Variants in AFG2A observed in about 807,000 individuals in gnomAD.
AFG2A encodes the protein AAA ATPase AFG2A.
chr4:123,084,016 T>G, the AFG2A span, among the ~76,000 whole-genome samples: 2 of 152,166 alleles, frequency 1.3e-5, no homozygotes, highest in African/African-American at 4.8e-5. Context: ...TCAATTTGTT[T>G]ATTCTTGTGT....
chr4:123,181,474 A>G, the AFG2A span, among the ~76,000 whole-genome samples: 3 of 152,048 alleles, frequency 2.0e-5, no homozygotes, highest in Admixed American at 6.6e-5. Flanking sequence ...TTAGTTGGAC[A>G]TGGTCACATG....
chr4:123,277,176 T>C, the AFG2A span, among the ~76,000 whole-genome samples: 11 of 152,282 alleles, frequency 7.2e-5, no homozygotes, highest in Middle Eastern at 3.4e-3. Context: ...ATAATTCTCC[T>C]TGTAGACATC....
chr4:123,122,427 C>T, the AFG2A span, among the ~76,000 whole-genome samples: 6 of 152,142 alleles, frequency 3.9e-5, no homozygotes, highest in South Asian at 6.2e-4. Flanking sequence ...AACATAAAAC[C>T]TGTTTTATAA....
chr4:123,259,439 G>A, the AFG2A span, among the ~76,000 whole-genome samples: 1 of 152,186 alleles, frequency 6.6e-6, no homozygotes, highest in Non-Finnish European at 1.5e-5. Context: ...AGCAGCCTCT[G>A]AGGGGAGACT....
At chr4:123,205,152 A>G in the AFG2A span, among the ~76,000 whole-genome samples, 1 of 152,130 alleles carries the variant, frequency 6.6e-6, no homozygotes, top group Non-Finnish European at 1.5e-5. Context: ...ATTTTTTGCT[A>G]TTTTATTTTT....
the AFG2A span, among the ~76,000 whole-genome samples, chr4:122,969,823 T>C: frequency 3.3e-5 from 5 of 152,340 alleles, no homozygotes; most frequent in Non-Finnish European, 7.3e-5. Context: ...TTAGGTACTT[T>C]GGTTTTTTGA....
chr4:123,199,604 T>C, the AFG2A span, among the ~76,000 whole-genome samples: 1 of 151,546 alleles, frequency 6.6e-6, no homozygotes, highest in South Asian at 2.1e-4. Flanking sequence ...CCTGAGTAGC[T>C]GGGACTACAG....
chr4:123,240,224 G>C, the AFG2A span, among the ~76,000 whole-genome samples: 2 of 152,282 alleles, frequency 1.3e-5, no homozygotes, highest in African/African-American at 4.8e-5. Flanking sequence ...AGATCAACGT[G>C]ACAGAAGTTT....
At chr4:122,980,945 A>G in the AFG2A span, among the ~76,000 whole-genome samples, 1 of 151,920 alleles carries the variant, frequency 6.6e-6, no homozygotes, top group African/African-American at 2.4e-5. Flanking sequence ...ATTTTCTCCC[A>G]TTCCATAGGT....
chr4:123,047,091 C>T, the AFG2A span, among the ~76,000 whole-genome samples: 1 of 152,036 alleles, frequency 6.6e-6, no homozygotes, highest in African/African-American at 2.4e-5. Flanking sequence ...AGACTGCTTT[C>T]CTTTTTTTTG....
At chr4:123,079,285 T>A in the AFG2A span, among the ~76,000 whole-genome samples, 2 of 152,224 alleles carry the variant, frequency 1.3e-5, no homozygotes, top group Non-Finnish European at 2.9e-5. Context: ...ACTTAGCTAT[T>A]TTTTTACTGC....
the AFG2A span, among the ~76,000 whole-genome samples, chr4:123,282,803 C>A: frequency 2.0e-5 from 3 of 147,304 alleles, no homozygotes; most frequent in South Asian, 2.2e-4. Context: ...GGGAAAGAAG[C>A]AGGGGGGAGA....
chr4:123,033,111 T>G, the AFG2A span, among the ~76,000 whole-genome samples: 1 of 152,232 alleles, frequency 6.6e-6, no homozygotes, highest in South Asian at 2.1e-4. Context: ...ATTTAAAAAT[T>G]CCAAATTCAT....
At chr4:123,115,568 G>A in the AFG2A span, among the ~76,000 whole-genome samples, 1 of 152,096 alleles carries the variant, frequency 6.6e-6, no homozygotes, top group Non-Finnish European at 1.5e-5. Context: ...ACCCCTCCAT[G>A]CCAGACCGTG....
At chr4:123,276,213 TG>T in the AFG2A span, among the ~76,000 whole-genome samples, 4 of 152,214 alleles carry the variant, frequency 2.6e-5, no homozygotes, top group South Asian at 8.3e-4. Flanking sequence ...GTTGTGGTTT[TG>T]ACTTGCATTT....
the AFG2A span, chr4:122,934,302 G>T: frequency 6.2e-7 from 1 of 1,614,160 alleles, no homozygotes; most frequent in South Asian, 1.1e-5. Flanking sequence ...AGCTAAGCCA[G>T]TTAGATCTGG....
chr4:123,004,407 C>T, the AFG2A span, among the ~76,000 whole-genome samples: 21 of 152,368 alleles, frequency 1.4e-4, no homozygotes, highest in African/African-American at 3.6e-4. Context: ...GCGTTGCTCA[C>T]GCTGGGAGCT....
At chr4:122,945,544 T>C in the AFG2A span, among the ~76,000 whole-genome samples, 279 of 152,348 alleles carry the variant, frequency 1.8e-3, no homozygotes, top group African/African-American at 6.4e-3. Context: ...AGGTGCTGTC[T>C]GTCACCCCTT....
chr4:123,126,214 T>C, the AFG2A span, among the ~76,000 whole-genome samples: 1 of 152,184 alleles, frequency 6.6e-6, no homozygotes. Flanking sequence ...TCTCCAGGCT[T>C]TTGCTTATTT....
Sources: gnomAD v4.1 joint callset for allele counts (sites outside exome capture counted in the v4.1 genomes callset) on GRCh38, gnomAD v4.1.1 for gene constraint, MANE v1.5 for transcripts, NCBI Gene and HGNC (gene_info 2026-07-23, HGNC 2026-07-21) for gene names.